Variants in TPD52 observed in about 807,000 individuals in gnomAD.
TPD52 encodes the protein prostate and colon associated protein.
Under a neutral mutation model 31.3 loss-of-function variants are expected in TPD52, and 17 were observed. The ratio of observed to expected loss-of-function variants is 0.54; its 90% CI spans 0.37 to 0.82. The LOEUF is 0.82. Among genes scored for constraint, TPD52 ranks in the 40% least tolerant of loss-of-function variants. The probability of loss-of-function intolerance (pLI) is 0.00; values close to 1 mark genes in which losing one functional copy is unlikely to be tolerated. For synonymous variants in TPD52, 83 were observed against 89.6 expected, an observed-to-expected ratio of 0.93 and a Z score of 0.42; for missense variants, 212 against 240.1, an observed-to-expected ratio of 0.88 and a Z score of 0.77.
At chr8:80,094,568 T>G (rs1249362598) in intron 1 of TPD52, among the ~76,000 whole-genome samples, 4 of 146,478 alleles carry the variant, frequency 2.7e-5, no homozygotes, top group Non-Finnish European at 6.0e-5. Context: ...GGAAACATAT[T>G]GCCAAATATA....
chr8:80,116,830 A>T (rs1335976970), intron 1 of TPD52, among the ~76,000 whole-genome samples: 2 of 152,166 alleles, frequency 1.3e-5, no homozygotes, highest in Non-Finnish European at 2.9e-5. Context: ...TATCCCAGGA[A>T]TGTAAGTTTG....
chr8:80,050,253 T>C, intron 5 of TPD52, 192 bp downstream of exon 5: 1 of 431,850 alleles, frequency 2.3e-6, no homozygotes, highest in Non-Finnish European at 4.1e-6. Flanking sequence ...CTTCTTTTAA[T>C]TTATCAACTA....
chr8:80,032,210 G>A (rs1809712693), downstream of TPD52, among the ~76,000 whole-genome samples: 1 of 151,170 alleles, frequency 6.6e-6, no homozygotes, highest in African/African-American at 2.4e-5. Context: ...TTCAAATTTG[G>A]CCTTAGTTCT....
chr8:80,077,920 C>G (rs1267724787), intron 1 of TPD52, among the ~76,000 whole-genome samples: 1 of 152,148 alleles, frequency 6.6e-6, no homozygotes, highest in Non-Finnish European at 1.5e-5. Flanking sequence ...TTAGCAGAAC[C>G]AGATGAGCAC....
intron 1 of TPD52, among the ~76,000 whole-genome samples, chr8:80,117,030 A>C (rs1807911259): frequency 6.6e-6 from 1 of 152,194 alleles, no homozygotes; most frequent in Non-Finnish European, 1.5e-5. Context: ...TGTCTATGGA[A>C]AACCGCAGCT....
At chr8:80,038,301 G>A in intron 7 of TPD52, 66 bp from the exon 8 acceptor site, 1 of 1,553,526 alleles carries the variant, frequency 6.4e-7, no homozygotes, top group South Asian at 1.1e-5. Flanking sequence ...TCTGCATAAA[G>A]TAACTCTAAT....
intron 1 of TPD52, among the ~76,000 whole-genome samples, chr8:80,100,313 C>T (rs944526988): frequency 1.3e-5 from 2 of 152,196 alleles, no homozygotes; most frequent in Non-Finnish European, 2.9e-5. Context: ...TTTTCTCTGG[C>T]AATTTCTTAC....
chr8:80,120,971 G>T (rs1681921867), intron 1 of TPD52, among the ~76,000 whole-genome samples: 1 of 151,624 alleles, frequency 6.6e-6, no homozygotes, highest in Non-Finnish European at 1.5e-5. Flanking sequence ...AGTCCCAGCT[G>T]CTTGGGAGGC....
chr8:80,129,664 C>T (rs1192111409), intron 1 of TPD52, among the ~76,000 whole-genome samples: 2 of 151,540 alleles, frequency 1.3e-5, no homozygotes, highest in Admixed American at 1.3e-4. Context: ...AGAACCGTGG[C>T]ATCCTCCCCC....
chr8:80,160,190 C>CA (rs5892713), intron 1 of TPD52, among the ~76,000 whole-genome samples: 95,553 of 148,366 alleles, frequency 0.64, 31,776 homozygotes, highest in African/African-American at 0.84. Context: ...GACCCCATCT[C>CA]AAAAAAAAAA....
chr8:80,050,531 T>A, intron 4 of TPD52, 60 bp from the exon 5 acceptor site: 1 of 1,504,270 alleles, frequency 6.6e-7, no homozygotes, highest in Non-Finnish European at 9.0e-7. Flanking sequence ...CTAAAACAAT[T>A]AAATAACCTA....
chr8:80,080,501 C>T, intron 1 of TPD52: 3 of 1,605,352 alleles, frequency 1.9e-6, no homozygotes, highest in Non-Finnish European at 2.6e-6. Context: ...TGATATCAGC[C>T]TTCAGTTGAG....
intron 1 of TPD52, among the ~76,000 whole-genome samples, chr8:80,099,641 G>C (rs1288770086): frequency 6.6e-6 from 1 of 151,744 alleles, no homozygotes; most frequent in African/African-American, 2.4e-5. Flanking sequence ...CTCCTGAGTA[G>C]CTGGGACTAC....
intron 1 of TPD52, among the ~76,000 whole-genome samples, chr8:80,143,773 T>C (rs1810002525): frequency 6.6e-6 from 1 of 152,322 alleles, no homozygotes; most frequent in Middle Eastern, 3.4e-3. Flanking sequence ...TTACTAATGA[T>C]TTGATAGTTC....
At chr8:80,171,018 C>A in intron 1 of TPD52, 2 of 449,436 alleles carry the variant, frequency 4.5e-6, no homozygotes, top group Non-Finnish European at 8.3e-6. Flanking sequence ...AGGGGTTTCC[C>A]ACCTGGAGGG....
chr8:80,073,450 G>T (rs1031692449), intron 1 of TPD52, among the ~76,000 whole-genome samples: 1 of 152,180 alleles, frequency 6.6e-6, no homozygotes, highest in African/African-American at 2.4e-5. Flanking sequence ...TGGACCCCGT[G>T]ACCTTGGCTG....
chr8:80,096,041 A>G (rs919415262), intron 1 of TPD52, among the ~76,000 whole-genome samples: 8 of 152,202 alleles, frequency 5.3e-5, no homozygotes, highest in African/African-American at 1.9e-4. Context: ...ATATTGCTTG[A>G]GCTCAGGAAT....
intron 6 of TPD52, among the ~76,000 whole-genome samples, chr8:80,043,774 C>A (rs142054373): frequency 6.6e-6 from 1 of 152,202 alleles, no homozygotes; most frequent in African/African-American, 2.4e-5. Flanking sequence ...TCATAGTTGG[C>A]TCCAAATGTC....
rs1027915709 is a variant in TPD52, at chr8:80,035,344, C to G, written c.*2772G>C. ...GACCTTAATGTAGGATCTCTTTGGA[C>G]ACATCTTCAGCAAGCAGTCATTTAA... On this transcript the variant is annotated 3_prime_UTR_variant, in exon 8 of 8. Coordinates refer to ENST00000518937, the MANE Select transcript of TPD52 (RefSeq NM_001025253.3). 6.6e-6 allele frequency: 1 copy of G among 152,180 alleles called. No individual in the cohort carries two copies. The highest frequency in any genetic ancestry group is 1.9e-4 in the East Asian group (1 of 5,202). The allele number at this position is 152,180 out of a possible 1,614,324, so 9.4% of individuals were successfully genotyped here.
Sources: gnomAD v4.1 joint callset for allele counts (sites outside exome capture counted in the v4.1 genomes callset) on GRCh38, gnomAD v4.1.1 for gene constraint, MANE v1.5 for transcripts, NCBI Gene and HGNC (gene_info 2026-07-23, HGNC 2026-07-21) for gene names.